The following ATRX variants were observed in gnomAD, a reference collection of about 807,000 sequenced individuals.
ATRX encodes ATRX chromatin remodeler.
A neutral mutation model predicts 172.6 loss-of-function variants in ATRX; 12 were observed. That is an observed-to-expected ratio of 0.07 (90% confidence interval 0.04 to 0.11). The LOEUF (loss-of-function observed/expected upper bound fraction) is 0.11, where lower values mean the gene tolerates loss of function less well. Ranked by LOEUF, ATRX falls within the 10% of genes least tolerant of loss-of-function variation. The pLI is 1.00. For missense variants in ATRX, 1,368 were observed against 1,767.4 expected (o/e 0.77, Z 4.05); for synonymous variants, 674 against 594.7 (o/e 1.13, Z -1.94).
chrX:77,736,983 T>C (rs937017808), intron 1 of ATRX, among the ~76,000 whole-genome samples: 5 of 111,180 alleles, frequency 4.5e-5, no homozygotes, highest in Admixed American at 9.7e-5. Flanking sequence ...AAGACCAACA[T>C]TGCATATTCT....
In ATRX at chrX:77,717,027, CTT is replaced by C. The variant is rs1795602527; in HGVS notation, c.133+102_133+103del. On this transcript the variant is annotated intron_variant, in intron 2 of 34. Coordinates refer to ENST00000373344, the MANE Select transcript of ATRX (RefSeq NM_000489.6). Reference sequence around the variant, plus strand: ...TGTCATTTTCCACAAACTGAAATCTCTTTTAAAAGCTGCTCTCTGAATAAAAT... The same window carrying C: ...TGTCATTTTCCACAAACTGAAATCTCTTAAAAGCTGCTCTCTGAATAAAAT... 10 of 695,754 alleles carry C rather than the reference CTT, an allele frequency of 1.4e-5. No individual in the cohort carries two copies. In the Admixed American group the frequency reaches 3.0e-4, roughly 21 times the overall value. The allele number at this position is 695,754 out of a possible 1,213,427, so 57.3% of individuals were successfully genotyped here.
At chrX:77,783,619 G>A in intron 1 of ATRX, among the ~76,000 whole-genome samples, 1 of 112,042 alleles carries the variant, frequency 8.9e-6, no homozygotes, top group Non-Finnish European at 1.9e-5. Context: ...TGGAACTACT[G>A]TGTAAAATAA....
At chrX:77,515,240 T>C (rs2063010481) in intron 34 of ATRX, among the ~76,000 whole-genome samples, 1 of 111,663 alleles carries the variant, frequency 9.0e-6, no homozygotes, top group Non-Finnish European at 1.9e-5. Flanking sequence ...CCTGCAATCC[T>C]ATTACTGGGT....
At chrX:77,767,901 A>T (rs2076028794) in intron 1 of ATRX, among the ~76,000 whole-genome samples, 1 of 111,747 alleles carries the variant, frequency 8.9e-6, no homozygotes, top group Non-Finnish European at 1.9e-5. Flanking sequence ...GTTACCTGAT[A>T]CGATTGTTAT....
Position 77,637,669 on chromosome X carries a change from C to T in ATRX, c.4558-1613G>A, listed in dbSNP as rs782240373. Among the ~76,000 whole-genome samples, 6 of 110,468 alleles carry T rather than the reference C, an allele frequency of 5.4e-5. No individual in the cohort carries two copies. The South Asian group carries it at 2.3e-3, about 43-fold the overall frequency. ...CATAAAAACATTACGCAGTTGGGCA[C>T]GGTGGCTCACTCCTATAATCCTAAC... On this transcript the variant is annotated intron_variant, in intron 15 of 34. Coordinates refer to ENST00000373344, the MANE Select transcript of ATRX (RefSeq NM_000489.6).
chrX:77,640,450 T>A (rs1466943638), intron 15 of ATRX, among the ~76,000 whole-genome samples: 1 of 111,086 alleles, frequency 9.0e-6, no homozygotes. Flanking sequence ...CATATCTGAA[T>A]TGAAGGGAAA....
intron 31 of ATRX, among the ~76,000 whole-genome samples, 179 bp downstream of exon 31, chrX:77,523,073 C>A (rs782787668): frequency 9.0e-6 from 1 of 111,487 alleles, no homozygotes; most frequent in South Asian, 3.8e-4. Flanking sequence ...GTCTTCTCCT[C>A]CTACTCTACC....
chrX:77,670,742 G>A (rs1401912983), intron 10 of ATRX, among the ~76,000 whole-genome samples: 2 of 104,434 alleles, frequency 1.9e-5, no homozygotes, highest in African/African-American at 3.5e-5. Flanking sequence ...GTGACAACGC[G>A]AGACTCTGTC....
At chrX:77,688,999 G>A (rs782256383) in intron 6 of ATRX, 72 bp from the exon 7 acceptor site, 428 of 813,451 alleles carry the variant, frequency 5.3e-4, no homozygotes, top group Non-Finnish European at 7.7e-4. Flanking sequence ...TCAGCATTTT[G>A]TAACTTTTGT....
intron 2 of ATRX, among the ~76,000 whole-genome samples, chrX:77,712,656 C>A (rs1488588990): frequency 9.1e-6 from 1 of 109,773 alleles, no homozygotes; most frequent in African/African-American, 3.3e-5. Flanking sequence ...TGGCAAAACG[C>A]CGTCTCCACT....
intron 2 of ATRX, among the ~76,000 whole-genome samples, chrX:77,713,524 C>A (rs782128649): frequency 3.6e-5 from 4 of 111,328 alleles, no homozygotes; most frequent in Non-Finnish European, 7.5e-5. Context: ...AGAAATGATG[C>A]GGATTTGTAA....
chrX:77,651,635 A>T (rs782109265), intron 15 of ATRX, among the ~76,000 whole-genome samples: 2 of 111,890 alleles, frequency 1.8e-5, no homozygotes, highest in Admixed American at 1.9e-4. Context: ...AGGCAGGTGG[A>T]TCACTTGAGG....
At chrX:77,629,390 G>A (rs1477961305) in intron 19 of ATRX, among the ~76,000 whole-genome samples, 4 of 111,762 alleles carry the variant, frequency 3.6e-5, no homozygotes, top group African/African-American at 1.3e-4. Flanking sequence ...AGACTTAGGT[G>A]GCAAAGAAAA....
chrX:77,776,238 C>T (rs1300079581), intron 1 of ATRX, among the ~76,000 whole-genome samples: 1 of 111,893 alleles, frequency 8.9e-6, no homozygotes, highest in Non-Finnish European at 1.9e-5. Context: ...TTCATGGAGA[C>T]AGGTCCCTTA....
intron 27 of ATRX, among the ~76,000 whole-genome samples, chrX:77,582,604 G>C (rs1453268383): frequency 9.0e-6 from 1 of 110,606 alleles, no homozygotes; most frequent in Non-Finnish European, 1.9e-5. Flanking sequence ...CTTTGAGACA[G>C]ACTAAGCAAA....
chrX:77,779,235 G>C (rs1405069673), intron 1 of ATRX, among the ~76,000 whole-genome samples: 2 of 106,950 alleles, frequency 1.9e-5, no homozygotes, highest in African/African-American at 6.8e-5. Context: ...GAGCCACGGC[G>C]CCCGGCTCAA....
At chrX:77,625,199 G>A in intron 19 of ATRX, among the ~76,000 whole-genome samples, 1 of 112,322 alleles carries the variant, frequency 8.9e-6, no homozygotes, top group East Asian at 2.8e-4. Flanking sequence ...ACATGTAGGA[G>A]AATTAAACTG....
chrX:77,744,529 G>A (rs183867516), intron 1 of ATRX, among the ~76,000 whole-genome samples: 1 of 111,801 alleles, frequency 8.9e-6, no homozygotes, highest in East Asian at 2.8e-4. Flanking sequence ...CGATTCTGCA[G>A]CAACAGATCT....
Position 77,664,569 on chromosome X carries a change from G to A in ATRX, c.3943+76C>T, listed in dbSNP as rs1355444232. 56 of 1,165,117 alleles carry A rather than the reference G, an allele frequency of 4.8e-5. No homozygotes were observed. The South Asian group carries it at 8.5e-4, about 18-fold the overall frequency. ...CCGGGCCATATTAAGATATTTCTTG[G>A]TCAGATATTCTTCAAAGACTGAATT... On this transcript the variant is annotated intron_variant, in intron 11 of 34. Coordinates refer to ENST00000373344, the MANE Select transcript of ATRX (RefSeq NM_000489.6).
Sources: allele counts gnomAD v4.1 joint callset (sites outside exome capture counted in the v4.1 genomes callset), GRCh38; gene constraint gnomAD v4.1.1; transcripts MANE v1.5; gene names NCBI Gene and HGNC (gene_info 2026-07-23, HGNC 2026-07-21).